The following APBB2 variants were observed in gnomAD, a reference collection of about 807,000 sequenced individuals.
APBB2 encodes amyloid beta precursor protein binding family B member 2, also known as Fe65-like 1.
A neutral mutation model predicts 82.5 loss-of-function variants in APBB2; 38 were observed. The ratio of observed to expected loss-of-function variants is 0.46; its 90% CI spans 0.36 to 0.60. The LOEUF is 0.60. APBB2 is among the 20% of genes least tolerant of loss of function. The pLI, the probability that APBB2 is intolerant of heterozygous loss-of-function variation, is 0.00. For synonymous variants in APBB2, 341 were observed against 368.2 expected (o/e 0.93, Z 0.85); for missense variants, 772 against 972.3 (o/e 0.79, Z 2.74).
At chr4:40,888,763 C>A in intron 12 of APBB2, among the ~76,000 whole-genome samples, 1 of 152,084 alleles carries the variant, frequency 6.6e-6, no homozygotes. Flanking sequence ...TGTAGTGTCA[C>A]AAGCTCCACA....
intron 4 of APBB2, among the ~76,000 whole-genome samples, chr4:41,058,429 T>G (rs540622131): frequency 6.6e-6 from 1 of 152,350 alleles, no homozygotes; most frequent in East Asian, 1.9e-4. Context: ...TGTAAGATTA[T>G]GTACTAGGTA....
chr4:41,024,187 A>G (rs1009194057), intron 5 of APBB2, among the ~76,000 whole-genome samples: 1 of 152,246 alleles, frequency 6.6e-6, no homozygotes, highest in African/African-American at 2.4e-5. Flanking sequence ...TCAACTCAAG[A>G]TGAATTAAAC....
intron 6 of APBB2, among the ~76,000 whole-genome samples, chr4:41,001,180 C>T (rs1198160310): frequency 6.6e-6 from 1 of 152,206 alleles, no homozygotes; most frequent in Non-Finnish European, 1.5e-5. Flanking sequence ...TCTCCATTCT[C>T]ACTTTCTGAC....
chr4:40,932,710 G>C (rs1041360041), intron 10 of APBB2, among the ~76,000 whole-genome samples: 1 of 152,138 alleles, frequency 6.6e-6, no homozygotes, highest in Non-Finnish European at 1.5e-5. Context: ...TGTTAGCACC[G>C]AAGATCAGAT....
At chr4:40,877,701 T>C (rs1208417531) in intron 12 of APBB2, among the ~76,000 whole-genome samples, 1 of 152,176 alleles carries the variant, frequency 6.6e-6, no homozygotes, top group African/African-American at 2.4e-5. Context: ...GAACATTTGA[T>C]TCTGTGAGTT....
chr4:41,093,077 G>T (rs953669560), intron 3 of APBB2, among the ~76,000 whole-genome samples: 3 of 152,130 alleles, frequency 2.0e-5, no homozygotes, highest in Non-Finnish European at 4.4e-5. Flanking sequence ...TTTCCCTAGG[G>T]TTTGGTTTCC....
intron 4 of APBB2, among the ~76,000 whole-genome samples, chr4:41,052,799 A>C (rs1489791921): frequency 2.1e-5 from 3 of 142,418 alleles, no homozygotes; most frequent in African/African-American, 2.6e-5. Flanking sequence ...AGACAGTCTC[A>C]CTCTGTCACC....
chr4:41,149,111 G>A (rs934962541), intron 1 of APBB2, among the ~76,000 whole-genome samples: 18 of 152,158 alleles, frequency 1.2e-4, no homozygotes, highest in African/African-American at 4.3e-4. Flanking sequence ...TCTGAGGTTT[G>A]AGGGATTACA....
At chr4:40,827,042 CTT>C (rs1449926704) in intron 14 of APBB2, 88 bp downstream of exon 14, 28 of 1,215,610 alleles carry the variant, frequency 2.3e-5, no homozygotes, top group Non-Finnish European at 3.2e-5. Context: ...TTTAAGGAGA[CTT>C]GAAATACCAG....
intron 12 of APBB2, among the ~76,000 whole-genome samples, chr4:40,833,831 CCCCAGCGTGCAA>C (rs1226589156): frequency 6.6e-6 from 1 of 152,204 alleles, no homozygotes; most frequent in Non-Finnish European, 1.5e-5. Context: ...GGCTGGCAGG[CCCCAGCGTGCAA>C]CATCCCAAGG....
chr4:40,879,639 T>A (rs1383191903), intron 12 of APBB2, among the ~76,000 whole-genome samples: 1 of 152,046 alleles, frequency 6.6e-6, no homozygotes, highest in Non-Finnish European at 1.5e-5. Context: ...CATGTTAAAT[T>A]TCTCCTTATT....
chr4:41,130,503 C>T (rs3113455), intron 2 of APBB2, among the ~76,000 whole-genome samples: 149,137 of 152,272 alleles, frequency 0.98, 73,052 homozygotes, highest in Non-Finnish European at 0.99. Context: ...AAAACTCAAG[C>T]CACACCACAG....
chr4:40,981,338 C>T (rs1798424826), intron 6 of APBB2, among the ~76,000 whole-genome samples: 1 of 151,704 alleles, frequency 6.6e-6, no homozygotes, highest in African/African-American at 2.4e-5. Context: ...GCTGAGATCG[C>T]ACCACTGTAC....
chr4:40,917,125 G>T (rs1216145588), intron 10 of APBB2, among the ~76,000 whole-genome samples: 1 of 152,176 alleles, frequency 6.6e-6, no homozygotes, highest in Admixed American at 6.6e-5. Context: ...TCTTCTGAAT[G>T]GACCTGGGGT....
chr4:40,938,102 G>C (rs1449562281), intron 7 of APBB2, among the ~76,000 whole-genome samples: 2 of 152,178 alleles, frequency 1.3e-5, no homozygotes, highest in African/African-American at 4.8e-5. Flanking sequence ...GACCAACAGG[G>C]ACCATCTTCT....
chr4:41,079,272 A>G (rs1350673847), intron 3 of APBB2, among the ~76,000 whole-genome samples: 6 of 152,210 alleles, frequency 3.9e-5, no homozygotes, highest in Non-Finnish European at 4.4e-5. Context: ...GAATGTACCC[A>G]ATATCTTCTC....
chr4:41,017,833 T>C (rs541628757), intron 5 of APBB2, among the ~76,000 whole-genome samples: 3 of 152,290 alleles, frequency 2.0e-5, no homozygotes, highest in African/African-American at 7.2e-5. Flanking sequence ...GAGGATTTAA[T>C]TATGAAAAAA....
At position 41,027,150 on chromosome 4, in the gene APBB2, G is replaced by C. The variant is rs143538289; in HGVS notation, c.19+6086C>G. Among the ~76,000 whole-genome samples the C allele has an allele frequency of 1.3e-4, 20 of 152,066 alleles. No homozygotes were observed. In the East Asian group the frequency reaches 3.9e-3, roughly 29 times the overall value. ...CTGAGCTCCTATCTTCTCAGCTGCA[G>C]CACCCGATTAAAGCCTTCTTCCTTA... On this transcript the variant is annotated intron_variant, in intron 5 of 17. Coordinates refer to ENST00000508593, the MANE Select transcript of APBB2 (RefSeq NM_004307.2).
Position 40,912,037 on chromosome 4 carries a change from G to A in APBB2, c.1255-18626C>T, listed in dbSNP as rs979180785. Reference sequence around the variant, plus strand: ...GGACTATTCCTGCACTCAGCGATACGGGACAAGCACAGAATGCAATAATAT... The same window carrying A: ...GGACTATTCCTGCACTCAGCGATACAGGACAAGCACAGAATGCAATAATAT... On this transcript the variant is annotated intron_variant, in intron 10 of 17. Transcript: ENST00000508593. 5.3e-5 allele frequency among the ~76,000 whole-genome samples: 8 copies of A among 152,172 alleles called. 1 individual carries two copies. The highest frequency in any genetic ancestry group is 1.9e-4 in the African/African-American group (8 of 41,440).
Sources: allele counts gnomAD v4.1 joint callset (sites outside exome capture counted in the v4.1 genomes callset), GRCh38; gene constraint gnomAD v4.1.1; transcripts MANE v1.5; gene names NCBI Gene and HGNC (gene_info 2026-07-23, HGNC 2026-07-21).